Variants in GPBP1 observed in about 807,000 individuals in gnomAD.
GPBP1 encodes vasculin.
A neutral mutation model predicts 56.5 loss-of-function variants in GPBP1; 13 were observed. The observed-to-expected ratio is 0.23, with a 90% CI of 0.15 to 0.37. The LOEUF is 0.37. Among genes scored for constraint, GPBP1 ranks in the 10% least tolerant of loss-of-function variants. The probability of loss-of-function intolerance (pLI) is 1.00; values close to 1 mark genes in which losing one functional copy is unlikely to be tolerated. For missense variants in GPBP1, 477 were observed against 572.3 expected (o/e 0.83, Z 1.70); for synonymous variants, 204 against 188.9 (o/e 1.08, Z -0.66).
In GPBP1 at chr5:57,230,898, G is replaced by A. The variant is rs764957091; in HGVS notation, c.116G>A (p.Arg39His). Residue 39 changes from arginine (R) to histidine (H), a missense_variant, in exon 4 of 12, where the codon CGT (arginine) becomes CAT (histidine). Around this residue, in one of 2 missense-constraint regions of GPBP1, gnomAD observed 414 missense variants for 458.2 expected, o/e 0.90. Coordinates refer to ENST00000506184, the MANE Select transcript of GPBP1 (RefSeq NM_022913.4). Reference protein sequence around the residue: ...HSENFAWTENRYDVNRRRHNS... With the variant: ...HSENFAWTENHYDVNRRRHNS... ...GAAAACTTTGCATGGACAGAGAATC[G>A]TTATGATGTGAACCGTCGACGACAC... 2.0e-5 allele frequency: 33 copies of A among 1,612,442 alleles called. No individual in the cohort carries two copies. Among genetic ancestry groups the A allele is most frequent in the African/African-American group, 4.0e-5 (3 of 74,858 alleles).
intron 2 of GPBP1, among the ~76,000 whole-genome samples, chr5:57,193,468 C>T (rs1419953553): frequency 6.6e-6 from 1 of 151,218 alleles, no homozygotes; most frequent in South Asian, 2.1e-4. Flanking sequence ...ACAAAAACGA[C>T]CTGGGCATGG....
chr5:57,176,216 A>G lies in GPBP1; in HGVS notation c.-242A>G, dbSNP rs909257878. The G allele has an allele frequency of 7.7e-6, 3 of 389,616 alleles. No individual in the cohort carries two copies. The highest frequency in any genetic ancestry group is 1.4e-5 in the Non-Finnish European group (3 of 221,152). 24.1% of individuals were successfully genotyped at this position (389,616 alleles called of 1,614,324 possible). On this transcript the variant is annotated 5_prime_UTR_variant, in exon 2 of 12. The change creates a new upstream start codon in the 5' untranslated region. Transcript: ENST00000506184. The stretch of plus-strand genomic sequence containing the variant: ...CTTGGCTAATTCGGGAGATAGCCAT[A>G]TGAAAACTTTAAAACAGAAGTATGG...
intron 2 of GPBP1, among the ~76,000 whole-genome samples, chr5:57,182,653 G>T (rs1754107458): frequency 6.6e-6 from 1 of 151,884 alleles, no homozygotes; most frequent in South Asian, 2.1e-4. Flanking sequence ...TTACAGGCGT[G>T]AGCCACCGCA....
intron 6 of GPBP1, among the ~76,000 whole-genome samples, chr5:57,237,667 T>C (rs1206560555): frequency 6.6e-6 from 1 of 152,166 alleles, no homozygotes; most frequent in Non-Finnish European, 1.5e-5. Flanking sequence ...TATCACACTT[T>C]ACTATTCCTC....
intron 2 of GPBP1, among the ~76,000 whole-genome samples, chr5:57,210,831 C>G (rs1042779071): frequency 6.6e-6 from 1 of 152,142 alleles, no homozygotes; most frequent in African/African-American, 2.4e-5. Context: ...TTCACATGGT[C>G]CTTTTATCTG....
chr5:57,250,181 T>G (rs1741315768), intron 9 of GPBP1, among the ~76,000 whole-genome samples: 1 of 151,302 alleles, frequency 6.6e-6, no homozygotes, highest in Non-Finnish European at 1.5e-5. Context: ...TTTTTTCATT[T>G]TTTGTAGAGA....
In GPBP1 at chr5:57,203,237, G is replaced by A. The variant is rs185087979; in HGVS notation, c.-57-10837G>A. On this transcript the variant is annotated intron_variant, in intron 2 of 11. Coordinates refer to ENST00000506184, the MANE Select transcript of GPBP1 (RefSeq NM_022913.4). The stretch of plus-strand genomic sequence containing the variant: ...ATGTACCATATTTATGTATATGTAT[G>A]TATGTACTTACATACATTTATAGCA... 1.7e-4 allele frequency among the ~76,000 whole-genome samples: 26 copies of A among 152,208 alleles called. No individual in the cohort carries two copies. The East Asian group carries it at 5.0e-3, about 29-fold the overall frequency.
chr5:57,202,517 G>T (rs918979448), intron 2 of GPBP1, among the ~76,000 whole-genome samples: 2 of 152,124 alleles, frequency 1.3e-5, no homozygotes, highest in Non-Finnish European at 2.9e-5. Flanking sequence ...TCGAACTCCT[G>T]ACCTGCAGTG....
chr5:57,186,289 G>A (rs1754282627), intron 2 of GPBP1, among the ~76,000 whole-genome samples: 1 of 151,952 alleles, frequency 6.6e-6, no homozygotes, highest in East Asian at 1.9e-4. Flanking sequence ...GAGAGACCAA[G>A]GTGGCAGGTT....
chr5:57,192,367 T>C (rs1187492811), intron 2 of GPBP1, among the ~76,000 whole-genome samples: 1 of 152,156 alleles, frequency 6.6e-6, no homozygotes, highest in Non-Finnish European at 1.5e-5. Context: ...GTAGCTCAAA[T>C]TGCTCATCTT....
chr5:57,203,958 TTTC>T (rs1755123715), intron 2 of GPBP1, among the ~76,000 whole-genome samples: 1 of 152,266 alleles, frequency 6.6e-6, no homozygotes, highest in Admixed American at 6.5e-5. Flanking sequence ...AGACAGGTGT[TTTC>T]TTCTTTGAAT....
At chr5:57,208,073 A>G (rs1353494919) in intron 2 of GPBP1, among the ~76,000 whole-genome samples, 1 of 151,952 alleles carries the variant, frequency 6.6e-6, no homozygotes, top group Non-Finnish European at 1.5e-5. Flanking sequence ...GCCTGTCCTC[A>G]CCTAGATCCG....
intron 2 of GPBP1, among the ~76,000 whole-genome samples, chr5:57,205,286 G>A (rs1236447237): frequency 1.3e-5 from 2 of 152,092 alleles, no homozygotes; most frequent in Non-Finnish European, 2.9e-5. Flanking sequence ...TTATCGTTAC[G>A]ATTTCATTGT....
chr5:57,245,501 C>T (rs1741048865), intron 6 of GPBP1: 1 of 152,190 alleles, frequency 6.6e-6, no homozygotes, highest in Non-Finnish European at 1.5e-5. Context: ...ATGTGGAGAA[C>T]TTAATTTATT....
At chr5:57,191,146 C>T (rs1416529667) in intron 2 of GPBP1, among the ~76,000 whole-genome samples, 2 of 151,034 alleles carry the variant, frequency 1.3e-5, no homozygotes, top group Non-Finnish European at 3.0e-5. Flanking sequence ...AGTGCAGTGG[C>T]ACAACCTTGG....
intron 2 of GPBP1, among the ~76,000 whole-genome samples, chr5:57,203,786 C>G (rs1309992965): frequency 6.6e-6 from 1 of 152,146 alleles, no homozygotes; most frequent in African/African-American, 2.4e-5. Flanking sequence ...ACCTAGATTT[C>G]TTAAAAATTT....
chr5:57,198,695 A>G (rs1754869887), intron 2 of GPBP1, among the ~76,000 whole-genome samples: 1 of 152,170 alleles, frequency 6.6e-6, no homozygotes. Flanking sequence ...TTAAAAATAC[A>G]AACATTAGCC....
chr5:57,191,276 G>A (rs1561326817), intron 2 of GPBP1, among the ~76,000 whole-genome samples: 1 of 151,898 alleles, frequency 6.6e-6, no homozygotes. Flanking sequence ...TGTATTTTTA[G>A]TAGAGGCAGG....
chr5:57,219,375 C>CAAAAA (rs869152603), intron 3 of GPBP1, among the ~76,000 whole-genome samples: 1 of 35,318 alleles, frequency 2.8e-5, no homozygotes, highest in Non-Finnish European at 5.0e-5. Flanking sequence ...GACTCTGTCT[C>CAAAAA]AAAAAAAAAA....
Sources: allele counts gnomAD v4.1 joint callset (sites outside exome capture counted in the v4.1 genomes callset), GRCh38; gene constraint gnomAD v4.1.1; regional missense constraint gnomAD v4.1.1; transcripts MANE v1.5; gene names NCBI Gene and HGNC (gene_info 2026-07-23, HGNC 2026-07-21).